Variants in NANS observed in about 807,000 individuals in gnomAD.
The protein encoded by NANS is N-acetylneuraminate synthase, also known as N-acetylneuraminate-9-phosphate synthase.
Under a neutral mutation model 33.3 loss-of-function variants are expected in NANS, and 29 were observed. The ratio of observed to expected loss-of-function variants is 0.87; its 90% CI spans 0.65 to 1.19. NANS has a LOEUF of 1.19. NANS is among the 50% of genes most tolerant of loss of function. The pLI, the probability that NANS is intolerant of heterozygous loss-of-function variation, is 0.00. For missense variants in NANS, 394 were observed against 461.1 expected (o/e 0.85, Z 1.33); for synonymous variants, 163 against 177.2 (o/e 0.92, Z 0.64).
chr9:98,081,097 A>G lies in NANS; in HGVS notation c.870+15A>G, dbSNP rs1829837299. The G allele has an allele frequency of 6.2e-7, 1 of 1,613,336 alleles. No individual in the cohort carries two copies. Among genetic ancestry groups the G allele is most frequent in the South Asian group, 1.1e-5 (1 of 91,048 alleles). Reference sequence around the variant, plus strand: ...GCAATGAGAAGGTGTGTCCTGCCGGACTCTACTCGGTTCTGCTGCCGTGTG... The same window carrying G: ...GCAATGAGAAGGTGTGTCCTGCCGGGCTCTACTCGGTTCTGCTGCCGTGTG... On this transcript the variant is annotated intron_variant, in intron 5 of 5. Coordinates refer to ENST00000210444, the MANE Select transcript of NANS (RefSeq NM_018946.4).
At chr9:98,076,816 C>G in intron 2 of NANS, 102 bp from the exon 3 acceptor site, 3 of 901,224 alleles carry the variant, frequency 3.3e-6, no homozygotes, top group East Asian at 5.0e-5. Flanking sequence ...CCTCTACTGC[C>G]TAAGATGAGG....
rs187000127 is a variant in NANS, at chr9:98,067,506, G to A, written c.348+6509G>A. Among the ~76,000 whole-genome samples, 235 of 152,270 alleles carry A rather than the reference G, an allele frequency of 1.5e-3. 1 individual carries two copies. The highest frequency in any genetic ancestry group is 2.2e-3 in the Non-Finnish European group (149 of 68,010). On this transcript the variant is annotated intron_variant, in intron 2 of 5. Transcript: ENST00000210444. The stretch of plus-strand genomic sequence containing the variant: ...CTCTGATGCATCTTTTCATGTGTCT[G>A]TTGGTCATCTGCATATCTTCTTTGG...
chr9:98,068,110 A>G (rs9918951), intron 2 of NANS, among the ~76,000 whole-genome samples: 93,444 of 151,938 alleles, frequency 0.62, 31,676 homozygotes, highest in African/African-American at 0.9. Context: ...TCTTGTGTTT[A>G]TCTATTTATA....
chr9:98,058,404 T>G (rs189336334), intron 1 of NANS, among the ~76,000 whole-genome samples: 69 of 152,364 alleles, frequency 4.5e-4, no homozygotes, highest in Non-Finnish European at 1.8e-4. Context: ...GATTTCATTT[T>G]AAAGGCTAAG....
chr9:98,082,799 C>T lies in NANS; in HGVS notation c.871-47C>T, dbSNP rs1053935275. 3 of 1,572,082 alleles carry T rather than the reference C, an allele frequency of 1.9e-6. No homozygotes were observed. The East Asian group carries it at 6.8e-5, about 36-fold the overall frequency. On this transcript the variant is annotated intron_variant, in intron 5 of 5. Transcript: ENST00000210444. ...TGAGTGTAAAGTAAAGTAGTGTGCA[C>T]TAGTTACTTCTGTGAAGCTGGCACT... is the stretch of plus-strand genomic sequence containing the variant.
chr9:98,058,607 T>C (rs1428140878), intron 1 of NANS, among the ~76,000 whole-genome samples: 1 of 152,192 alleles, frequency 6.6e-6, no homozygotes, highest in Non-Finnish European at 1.5e-5. Context: ...TGTAGAAATA[T>C]CTAGAGATAC....
At position 98,078,202 on chromosome 9, in the gene NANS, T is replaced by TG; in HGVS notation, c.460dup (p.Val154GlyfsTer40). The TG allele has an allele frequency of 6.2e-7, 1 of 1,614,166 alleles. No homozygotes were observed. Among genetic ancestry groups the TG allele is most frequent in the Non-Finnish European group, 8.5e-7 (1 of 1,180,014 alleles). On this transcript the variant is annotated frameshift_variant, in exon 4 of 6. Transcript: ENST00000210444. LOFTEE classifies it high-confidence loss of function. ...GTGCTGGATTACTCAGGTCGCCCAATGGTGATCTCCAGTGGGATGCAGTCA... is the reference window on the plus strand; with the variant it reads ...GTGCTGGATTACTCAGGTCGCCCAATGGGTGATCTCCAGTGGGATGCAGTCA...
chr9:98,073,579 G>C (rs1829449641), intron 2 of NANS, among the ~76,000 whole-genome samples: 1 of 150,716 alleles, frequency 6.6e-6, no homozygotes, highest in South Asian at 2.1e-4. Flanking sequence ...CACCGCGCCT[G>C]GCCTGGGCTT....
At chr9:98,063,206 G>C (rs370278804) in intron 2 of NANS, among the ~76,000 whole-genome samples, 1 of 151,362 alleles carries the variant, frequency 6.6e-6, no homozygotes, top group Admixed American at 6.6e-5. Context: ...GGGGATTACG[G>C]GTGTGAGCCA....
Position 98,067,104 on chromosome 9 carries a change from T to C in NANS, c.348+6107T>C, listed in dbSNP as rs534544639. Among the ~76,000 whole-genome samples, 206 of 152,362 alleles carry C rather than the reference T, an allele frequency of 1.4e-3. 7 individuals carry two copies. In the South Asian group the frequency reaches 0.041, roughly 30 times the overall value. The stretch of plus-strand genomic sequence containing the variant: ...TCAGTACTTCATTTCTTTTTTTGAC[T>C]AACTCATAATTCAATTTTATGGCTA... On this transcript the variant is annotated intron_variant, in intron 2 of 5. Coordinates refer to ENST00000210444, the MANE Select transcript of NANS (RefSeq NM_018946.4).
intron 2 of NANS, among the ~76,000 whole-genome samples, chr9:98,064,476 G>A (rs1197524878): frequency 6.6e-6 from 1 of 152,072 alleles, no homozygotes; most frequent in East Asian, 1.9e-4. Context: ...GGCTGGTCTT[G>A]AACTCCTGAC....
chr9:98,077,651 A>G (rs182949480), intron 3 of NANS, among the ~76,000 whole-genome samples: 5 of 152,310 alleles, frequency 3.3e-5, no homozygotes, highest in African/African-American at 1.2e-4. Context: ...TTGAGACCGC[A>G]GTGGGACATG....
At chr9:98,074,353 G>A (rs1829485650) in intron 2 of NANS, among the ~76,000 whole-genome samples, 1 of 152,122 alleles carries the variant, frequency 6.6e-6, no homozygotes, top group Non-Finnish European at 1.5e-5. Context: ...CGGGCTGCAT[G>A]GAACCCCAGA....
intron 2 of NANS, among the ~76,000 whole-genome samples, chr9:98,070,264 T>C (rs768384563): frequency 3.3e-5 from 5 of 151,978 alleles, no homozygotes; most frequent in East Asian, 1.9e-4. Context: ...ACTACAGGTG[T>C]ATGCCACCAT....
chr9:98,057,182 C>T (rs1828852084), intron 1 of NANS, among the ~76,000 whole-genome samples: 1 of 152,258 alleles, frequency 6.6e-6, no homozygotes, highest in Admixed American at 6.5e-5. Flanking sequence ...GTTCTGGTGC[C>T]AGAATAATCT....
At chr9:98,071,335 G>A (rs982102697) in intron 2 of NANS, among the ~76,000 whole-genome samples, 1 of 152,248 alleles carries the variant, frequency 6.6e-6, no homozygotes, top group African/African-American at 2.4e-5. Context: ...ATATGGCCCA[G>A]TGGCCAAGTG....
chr9:98,068,641 C>T (rs1024359678), intron 2 of NANS, among the ~76,000 whole-genome samples: 5 of 149,004 alleles, frequency 3.4e-5, no homozygotes, highest in African/African-American at 1.2e-4. Flanking sequence ...ATAGCAAGAC[C>T]CCATCTATTA....
intron 2 of NANS, among the ~76,000 whole-genome samples, chr9:98,063,445 T>A (rs1263124551): frequency 1.3e-5 from 2 of 152,130 alleles, no homozygotes; most frequent in Non-Finnish European, 2.9e-5. Context: ...TTTCACCATG[T>A]TGGCCAGGCT....
In NANS at chr9:98,081,000, T is replaced by G; in HGVS notation, c.788T>G (p.Val263Gly). Residue 263 changes from valine (V) to glycine (G), a missense_variant, in exon 5 of 6, where the codon GTG becomes GGG. By Grantham distance (109) the Val-to-Gly change is moderately radical (BLOSUM62 -3). Transcript: ENST00000210444. ...SLEPGELAEL[V>G]RSVRLVERAL... Reference sequence around the variant, plus strand: ...GAGCCTGGAGAACTGGCCGAGCTGGTGCGGTCAGTGCGTCTTGTGGAGCGT... The same window carrying G: ...GAGCCTGGAGAACTGGCCGAGCTGGGGCGGTCAGTGCGTCTTGTGGAGCGT... 1 of 1,614,158 alleles carries G rather than the reference T, an allele frequency of 6.2e-7. No homozygotes were observed. Among genetic ancestry groups the G allele is most frequent in the Non-Finnish European group, 8.5e-7 (1 of 1,180,026 alleles).
Sources: gnomAD v4.1 joint callset for allele counts (sites outside exome capture counted in the v4.1 genomes callset) on GRCh38, gnomAD v4.1.1 for gene constraint, MANE v1.5 for transcripts, NCBI Gene and HGNC (gene_info 2026-07-23, HGNC 2026-07-21) for gene names.